Variants in SUSD6 observed in about 807,000 individuals in gnomAD.
SUSD6 encodes sushi domain containing 6, also known as sushi domain-containing protein 6.
Under a neutral mutation model 28.4 loss-of-function variants are expected in SUSD6, and 16 were observed. The observed-to-expected ratio is 0.56, with a 90% confidence interval of 0.38 to 0.86. The LOEUF (loss-of-function observed/expected upper bound fraction) is 0.86. Ranked by LOEUF, SUSD6 falls within the 40% of genes least tolerant of loss-of-function variation. The pLI is 0.00. For synonymous variants in SUSD6, 147 were observed against 159.6 expected, an observed-to-expected ratio of 0.92 and a Z score of 0.59; for missense variants, 341 against 384.2, an observed-to-expected ratio of 0.89 and a Z score of 0.94.
chr14:69,642,696 G>A (rs529344203), intron 1 of SUSD6, among the ~76,000 whole-genome samples: 149 of 147,500 alleles, frequency 1.0e-3, no homozygotes, highest in Non-Finnish European at 1.8e-3. Context: ...AATTCTGGGC[G>A]ATACAATTCA....
rs1262211134 is a variant in SUSD6, at chr14:69,714,657, A to G, written c.*3678A>G. ...TGGTGTAGTTGCTGGTTCCCTAGAG[A>G]GGAAAAGGTGGCAGGCCCAGCTTTG... On this transcript the variant is annotated 3_prime_UTR_variant, in exon 6 of 6. Coordinates refer to ENST00000342745, the MANE Select transcript of SUSD6 (RefSeq NM_014734.4). The G allele has an allele frequency of 6.6e-6, 1 of 152,236 alleles. No homozygotes were observed. Among genetic ancestry groups the G allele is most frequent in the Non-Finnish European group, 1.5e-5 (1 of 68,070 alleles). The allele number at this position is 152,236 out of a possible 1,614,324, so 9.4% of individuals were successfully genotyped here. A position where few individuals can be genotyped will look rare whatever the true frequency, so the allele number is the denominator to read the frequency against.
At chr14:69,678,926 A>G (rs551526616) in intron 2 of SUSD6, among the ~76,000 whole-genome samples, 46 of 152,366 alleles carry the variant, frequency 3.0e-4, no homozygotes, top group Admixed American at 8.5e-4. Flanking sequence ...ACCTGGCAGG[A>G]GAGTTCCGGA....
chr14:69,704,518 G>A, intron 3 of SUSD6, 86 bp from the exon 4 acceptor site: 1 of 1,366,132 alleles, frequency 7.3e-7, no homozygotes. Flanking sequence ...CATTCAGGAG[G>A]CATTTGACAA....
chr14:69,643,414 C>T (rs1388942289), intron 1 of SUSD6, among the ~76,000 whole-genome samples: 1 of 152,188 alleles, frequency 6.6e-6, no homozygotes, highest in African/African-American at 2.4e-5. Flanking sequence ...ATAGTATAGC[C>T]AGTATCTTGC....
At chr14:69,654,789 T>G (rs1424693352) in intron 1 of SUSD6, among the ~76,000 whole-genome samples, 1 of 35,698 alleles carries the variant, frequency 2.8e-5, no homozygotes, top group Admixed American at 2.3e-4. Flanking sequence ...TTTTTTTTTT[T>G]GGTGTGTGTG....
At position 69,670,420 on chromosome 14, in the gene SUSD6, G is replaced by A. The variant is rs143310321; in HGVS notation, c.121+11707G>A. The A allele has an allele frequency of 2.3e-3, 1,041 of 456,702 alleles. 7 individuals are homozygous for A. Among genetic ancestry groups the A allele is most frequent in the Admixed American group, 6.5e-3 (278 of 42,590 alleles). The allele number at this position is 456,702 out of a possible 1,614,324, so 28.3% of individuals were successfully genotyped here. ...ATCAGGAAAGTACTGCACTACACAG[G>A]AATACTCATTAGGGGGTCTCCTGAC... On this transcript the variant is annotated intron_variant, in intron 2 of 5. Transcript: ENST00000342745.
rs1257470509 is a variant in SUSD6 at position 69,611,708 on chromosome 14, A to G, written c.-201A>G. On this transcript the variant is annotated 5_prime_UTR_variant, in exon 1 of 6. Coordinates refer to ENST00000342745, the MANE Select transcript of SUSD6 (RefSeq NM_014734.4). Reference sequence around the variant, plus strand: ...GCTTCCTCTGCCCACAGCGCCGGCCAGAGCGAGCTAGACAAGGGCACGCGG... The same window carrying G: ...GCTTCCTCTGCCCACAGCGCCGGCCGGAGCGAGCTAGACAAGGGCACGCGG... 7.1e-6 allele frequency: 1 copy of G among 140,454 alleles called. No homozygotes were observed. Among genetic ancestry groups the G allele is most frequent in the Non-Finnish European group, 1.6e-5 (1 of 64,028 alleles). 8.7% of individuals were successfully genotyped at this position (140,454 alleles called of 1,614,324 possible). A position where few individuals can be genotyped will look rare whatever the true frequency, so the allele number is the denominator to read the frequency against.
chr14:69,647,595 T>C (rs138425291), intron 1 of SUSD6, among the ~76,000 whole-genome samples: 2 of 151,974 alleles, frequency 1.3e-5, no homozygotes, highest in Non-Finnish European at 2.9e-5. Flanking sequence ...AGGCTGAGGA[T>C]GTGTATTTAA....
chr14:69,708,474 A>G (rs763587141), intron 4 of SUSD6, among the ~76,000 whole-genome samples: 2 of 152,174 alleles, frequency 1.3e-5, no homozygotes, highest in Non-Finnish European at 2.9e-5. Context: ...AACTTCTCTG[A>G]GCCTCATTTG....
chr14:69,687,740 G>A (rs919366478), intron 2 of SUSD6, among the ~76,000 whole-genome samples: 6 of 152,192 alleles, frequency 3.9e-5, no homozygotes, highest in Non-Finnish European at 8.8e-5. Context: ...GGCTGGCCAC[G>A]ACATGGAGTT....
chr14:69,619,288 A>G (rs910705085), intron 1 of SUSD6, among the ~76,000 whole-genome samples: 2 of 152,262 alleles, frequency 1.3e-5, no homozygotes, highest in Non-Finnish European at 2.9e-5. Flanking sequence ...TTCTTCTGAA[A>G]GAAAACTGTT....
chr14:69,626,881 T>C (rs1885122772), intron 1 of SUSD6, among the ~76,000 whole-genome samples: 1 of 151,920 alleles, frequency 6.6e-6, no homozygotes, highest in South Asian at 2.1e-4. Flanking sequence ...TTTTTTGTCT[T>C]GCTGTGTTCC....
chr14:69,664,110 C>G (rs1885703367), intron 2 of SUSD6, among the ~76,000 whole-genome samples: 2 of 152,066 alleles, frequency 1.3e-5, no homozygotes. Flanking sequence ...TCCCGAGTAG[C>G]TGGTACCACA....
chr14:69,615,915 A>G (rs1884952827), intron 1 of SUSD6, among the ~76,000 whole-genome samples: 1 of 152,238 alleles, frequency 6.6e-6, no homozygotes, highest in African/African-American at 2.4e-5. Context: ...ACAGAAACAG[A>G]TGTAGTTCCC....
chr14:69,692,486 T>A (rs1886167111), intron 2 of SUSD6, among the ~76,000 whole-genome samples: 1 of 152,210 alleles, frequency 6.6e-6, no homozygotes, highest in Non-Finnish European at 1.5e-5. Flanking sequence ...CTCAGTTTTT[T>A]CTGAACAAAT....
intron 2 of SUSD6, among the ~76,000 whole-genome samples, chr14:69,686,427 G>A (rs1177675251): frequency 6.6e-6 from 1 of 152,238 alleles, no homozygotes; most frequent in Non-Finnish European, 1.5e-5. Context: ...TAAGAGTCGT[G>A]CAAAAACAAA....
At chr14:69,612,172 C>G (rs1884887082) in intron 1 of SUSD6, among the ~76,000 whole-genome samples, 1 of 152,074 alleles carries the variant, frequency 6.6e-6, no homozygotes, top group Non-Finnish European at 1.5e-5. Context: ...CCGGAAGAGC[C>G]AGACGCCGTG....
At chr14:69,690,083 A>G (rs1180596672) in intron 2 of SUSD6, among the ~76,000 whole-genome samples, 1 of 152,228 alleles carries the variant, frequency 6.6e-6, no homozygotes, top group African/African-American at 2.4e-5. Flanking sequence ...ATCTACCAAC[A>G]TGCAGTGTGT....
chr14:69,658,517 A>G lies in SUSD6; in HGVS notation c.-76A>G. The G allele has an allele frequency of 6.6e-7, 1 of 1,513,102 alleles. No individual in the cohort carries two copies. The highest frequency in any genetic ancestry group is 9.1e-7 in the Non-Finnish European group (1 of 1,102,550). 93.7% of individuals were successfully genotyped at this position (1,513,102 alleles called of 1,614,324 possible). A position where few individuals can be genotyped will look rare whatever the true frequency, so the allele number is the denominator to read the frequency against. ...GTCCTTGTTTGTTTGTTACAGGTGA[A>G]TCAGCTCCCGGCCGACTTTAGGATT... On this transcript the variant is annotated 5_prime_UTR_variant, in exon 2 of 6. Coordinates refer to ENST00000342745, the MANE Select transcript of SUSD6 (RefSeq NM_014734.4).
Sources: gnomAD v4.1 joint callset for allele counts (sites outside exome capture counted in the v4.1 genomes callset) on GRCh38, gnomAD v4.1.1 for gene constraint, MANE v1.5 for transcripts, NCBI Gene and HGNC (gene_info 2026-07-23, HGNC 2026-07-21) for gene names.